Variants in DPH1 observed in about 807,000 individuals in gnomAD.
The protein encoded by DPH1 is diphthamide biosynthesis 1.
A neutral mutation model predicts 55.3 loss-of-function variants in DPH1; 59 were observed. That is an observed-to-expected ratio of 1.07 (90% CI 0.87 to 1.33). DPH1 has a LOEUF of 1.33. Among genes scored for constraint, DPH1 ranks in the 40% most tolerant of loss-of-function variants. DPH1 has a pLI of 0.00. For synonymous variants in DPH1, 238 were observed against 235.5 expected (o/e 1.01, Z -0.10); for missense variants, 628 against 584.8 (o/e 1.07, Z -0.76).
At chr17:2,042,014 C>T in intron 12 of DPH1, 139 bp downstream of exon 12, 3 of 1,493,362 alleles carry the variant, frequency 2.0e-6, no homozygotes, top group Non-Finnish European at 2.7e-6. Flanking sequence ...GGAAAGACCG[C>T]TTCCGGTGCT....
Position 2,030,165 on chromosome 17 carries a change from A to C in DPH1, c.-5A>C, listed in dbSNP as rs1262069920. ...TCTTTTTAGTACCACATGCGCAGGC[A>C]GGTGATGGCGGCGCTGGTCGTATCC... On this transcript the variant is annotated 5_prime_UTR_variant, in exon 1 of 13. Coordinates refer to ENST00000263083, the MANE Select transcript of DPH1 (RefSeq NM_001383.6). 1 of 1,602,948 alleles carries C rather than the reference A, an allele frequency of 6.2e-7. No homozygotes were observed. Among genetic ancestry groups the C allele is most frequent in the Non-Finnish European group, 8.5e-7 (1 of 1,175,736 alleles).
At position 2,036,522 on chromosome 17, in the gene DPH1, C is replaced by T. The variant is rs888363424; in HGVS notation, c.401-7C>T. ...CCAAACAGCCCCTGAACTCCTCCCTCCCACAGTTCCCATGGACACCTCGGC... is the reference window on the plus strand; with the variant it reads ...CCAAACAGCCCCTGAACTCCTCCCTTCCACAGTTCCCATGGACACCTCGGC... On this transcript the variant is annotated splice_polypyrimidine_tract_variant and splice_region_variant and intron_variant, in intron 4 of 12. Transcript: ENST00000263083. The surrounding 1 kb of genome is among the most constrained non-coding windows in gnomAD (Gnocchi z 4.8). 5 of 1,613,736 alleles carry T rather than the reference C, an allele frequency of 3.1e-6. No homozygotes were observed. The highest frequency in any genetic ancestry group is 4.2e-6 in the Non-Finnish European group (5 of 1,179,860).
chr17:2,041,176 T>C lies in DPH1; in HGVS notation c.1081T>C (p.Tyr361His). ...CTTCCCCAAGCCGCTGCTGACACCCTATGAGGTAACACCAAGCTCTGGGAG... is the reference window on the plus strand; with the variant it reads ...CTTCCCCAAGCCGCTGCTGACACCCCATGAGGTAACACCAAGCTCTGGGAG... The part of the protein sequence containing the change: ...TAFPKPLLTP[Y>H]EAAVALRDIS... Residue 361 changes from tyrosine (Y) to histidine (H), a missense_variant, in exon 10 of 13, where the codon TAT becomes CAT. Coordinates refer to ENST00000263083, the MANE Select transcript of DPH1 (RefSeq NM_001383.6). The C allele has an allele frequency of 6.2e-7, 1 of 1,604,212 alleles. No homozygotes were observed. The highest frequency in any genetic ancestry group is 8.5e-7 in the Non-Finnish European group (1 of 1,175,106).
intron 12 of DPH1, 117 bp downstream of exon 12, chr17:2,041,992 G>C: frequency 6.7e-7 from 1 of 1,490,082 alleles, no homozygotes; most frequent in South Asian, 1.2e-5. Context: ...CGTGCATTGT[G>C]CTTCCGCTCG....
rs1435409135 is a variant in DPH1 at position 2,043,490 on chromosome 17, C to T, written c.*904C>T. The T allele has an allele frequency of 5.1e-6, 1 of 195,506 alleles. No homozygotes were observed. Among genetic ancestry groups the T allele is most frequent in the African/African-American group, 2.3e-5 (1 of 42,610 alleles). 12.1% of individuals were successfully genotyped at this position (195,506 alleles called of 1,614,324 possible). The stretch of plus-strand genomic sequence containing the variant: ...TTATAATGGAAGTCGGTTTCTTGGC[C>T]ATCTACATAGTTTTCTGGGCAGCGC... On this transcript the variant is annotated 3_prime_UTR_variant, in exon 13 of 13. Coordinates refer to ENST00000263083, the MANE Select transcript of DPH1 (RefSeq NM_001383.6).
rs755129848 is a variant in DPH1 at position 2,042,672 on chromosome 17, C to A, written c.*86C>A. ...CAGAGCAGGAGGCCGACGTTTTCTC[C>A]GCATTGGAAGAGCCCGCCGTCTGCA... On this transcript the variant is annotated 3_prime_UTR_variant, in exon 13 of 13. Coordinates refer to ENST00000263083, the MANE Select transcript of DPH1 (RefSeq NM_001383.6). The A allele has an allele frequency of 1.3e-6, 2 of 1,524,586 alleles. No homozygotes were observed. Among genetic ancestry groups the A allele is most frequent in the South Asian group, 2.6e-5 (2 of 75,634 alleles). 94.4% of individuals were successfully genotyped at this position (1,524,586 alleles called of 1,614,324 possible). A position where few individuals can be genotyped will look rare whatever the true frequency, so the allele number is the denominator to read the frequency against.
intron 3 of DPH1, among the ~76,000 whole-genome samples, chr17:2,035,594 A>G (rs1434409943): frequency 6.8e-6 from 1 of 147,132 alleles, no homozygotes; most frequent in African/African-American, 2.5e-5. Flanking sequence ...CCACCACAGC[A>G]CTCAGCGCGG....
Position 2,036,364 on chromosome 17 carries a change from T to C in DPH1, c.401-165T>C. Reference sequence around the variant, plus strand: ...CCGGCCGGGTGACAGAGAAGTCTGATTGAGAAGGAGCTTCTAGGGGATCTG... The same window carrying C: ...CCGGCCGGGTGACAGAGAAGTCTGACTGAGAAGGAGCTTCTAGGGGATCTG... On this transcript the variant is annotated intron_variant, in intron 4 of 12. Coordinates refer to ENST00000263083, the MANE Select transcript of DPH1 (RefSeq NM_001383.6). The surrounding 1 kb of genome is among the most constrained non-coding windows in gnomAD (Gnocchi z 4.8). 2 of 1,101,572 alleles carry C rather than the reference T, an allele frequency of 1.8e-6. No homozygotes were observed. Among genetic ancestry groups the C allele is most frequent in the African/African-American group, 1.6e-5 (1 of 63,474 alleles). The allele number at this position is 1,101,572 out of a possible 1,614,324, so 68.2% of individuals were successfully genotyped here.
chr17:2,034,086 A>G (rs566381699), intron 3 of DPH1, among the ~76,000 whole-genome samples: 2 of 152,096 alleles, frequency 1.3e-5, no homozygotes, highest in East Asian at 1.9e-4. Flanking sequence ...AGAGAAAGAA[A>G]TCAATCCCAG....
rs766652021 is a variant in DPH1, at chr17:2,040,604, G to T, written c.1006G>T (p.Val336Leu). Residue 336 changes from valine (V) to leucine (L), a missense_variant and splice_region_variant, in exon 9 of 13, where the codon GTG (valine) becomes TTG (leucine). Transcript: ENST00000263083. The stretch of plus-strand genomic sequence containing the variant: ...GCTTAGCCTACTTCCTGAGGTGGAT[G>T]TGTGAGTATCTGCCTGGCTATGACT... The part of the protein sequence containing the change: ...SKLSLLPEVD[V>L]WVQVACPRLS... 4.3e-6 allele frequency: 7 copies of T among 1,614,020 alleles called. No homozygotes were observed. In the Middle Eastern group the frequency reaches 8.2e-4, roughly 190 times the overall value.
At position 2,030,156 on chromosome 17, in the gene DPH1, T is replaced by A. The variant is rs754680419; in HGVS notation, c.-14T>A. 5.6e-6 allele frequency: 9 copies of A among 1,601,558 alleles called. No individual in the cohort carries two copies. The highest frequency in any genetic ancestry group is 7.7e-6 in the Non-Finnish European group (9 of 1,175,098). ...CCAGCGCTGTCTTTTTAGTACCACATGCGCAGGCAGGTGATGGCGGCGCTG... is the reference window on the plus strand; with the variant it reads ...CCAGCGCTGTCTTTTTAGTACCACAAGCGCAGGCAGGTGATGGCGGCGCTG... On this transcript the variant is annotated 5_prime_UTR_variant, in exon 1 of 13. An upstream start codon of the reference 5' UTR is lost. Coordinates refer to ENST00000263083, the MANE Select transcript of DPH1 (RefSeq NM_001383.6).
At chr17:2,038,806 G>A (rs886940091) in intron 6 of DPH1, among the ~76,000 whole-genome samples, 18 of 152,192 alleles carry the variant, frequency 1.2e-4, no homozygotes, top group African/African-American at 4.3e-4. Flanking sequence ...AGGAGAATCT[G>A]TTCCCCAACT....
At chr17:2,042,306 TC>T (rs2067552178) in intron 12 of DPH1, 1 of 1,391,416 alleles carries the variant, frequency 7.2e-7, no homozygotes, top group Non-Finnish European at 9.3e-7. Context: ...CCCTTCAGCA[TC>T]CCCCACCCTG....
Position 2,042,733 on chromosome 17 carries a change from G to T in DPH1, c.*147G>T. The stretch of plus-strand genomic sequence containing the variant: ...GGAATCACTGGGGATGGTGGCACAG[G>T]CACTGAACAGGCTGGGGCCTTTTGA... On this transcript the variant is annotated 3_prime_UTR_variant, in exon 13 of 13. Coordinates refer to ENST00000263083, the MANE Select transcript of DPH1 (RefSeq NM_001383.6). 1 of 1,584,678 alleles carries T rather than the reference G, an allele frequency of 6.3e-7. No homozygotes were observed. Among genetic ancestry groups the T allele is most frequent in the Non-Finnish European group, 8.6e-7 (1 of 1,166,490 alleles).
chr17:2,040,712 AT>A, intron 9 of DPH1, 107 bp downstream of exon 9: 1 of 1,324,868 alleles, frequency 7.5e-7, no homozygotes. Flanking sequence ...TGGTCATGGA[AT>A]TTTACTGTTT....
In DPH1 at chr17:2,041,818, C is replaced by G; in HGVS notation, c.1278C>G (p.Cys426Trp). 2 of 1,606,246 alleles carry G rather than the reference C, an allele frequency of 1.2e-6. No individual in the cohort carries two copies. The highest frequency in any genetic ancestry group is 1.7e-6 in the Non-Finnish European group (2 of 1,177,338). Residue 426 changes from cysteine to tryptophan, a missense_variant, in exon 12 of 13, where the codon TGC (cysteine) becomes TGG (tryptophan). Coordinates refer to ENST00000263083, the MANE Select transcript of DPH1 (RefSeq NM_001383.6). ...CTTCGGCCGTGGCTTGCGAGGACTG[C>G]AGCTGCAGGGACGAGAAGGTGGCGC... ...RPPSAVACED[C>W]SCRDEKVAPL...
At chr17:2,030,277 G>A in intron 1 of DPH1, 47 bp downstream of exon 1, 1 of 1,534,374 alleles carries the variant, frequency 6.5e-7, no homozygotes, top group South Asian at 1.2e-5. Context: ...TCTCGGGGCG[G>A]GGCCCCCAAG....
intron 12 of DPH1, chr17:2,042,343 G>A (rs1471326935): frequency 5.2e-6 from 7 of 1,355,186 alleles, no homozygotes; most frequent in East Asian, 2.9e-5. Flanking sequence ...CTCCCACCCA[G>A]TCCACACCCT....
chr17:2,033,308 T>G (rs1041000959), intron 1 of DPH1, 197 bp from the exon 2 acceptor site: 3 of 723,572 alleles, frequency 4.1e-6, no homozygotes, highest in Non-Finnish European at 2.2e-6. Flanking sequence ...ATCTTCTTGT[T>G]TAGCAAGTTA....
Sources: allele counts gnomAD v4.1 joint callset (sites outside exome capture counted in the v4.1 genomes callset), GRCh38; gene constraint gnomAD v4.1.1; non-coding constraint Gnocchi (gnomAD v3.1); transcripts MANE v1.5; gene names NCBI Gene and HGNC (gene_info 2026-07-23, HGNC 2026-07-21).